HSD17B4: variants seen among roughly 807,000 people sequenced by gnomAD.
HSD17B4 encodes hydroxysteroid 17-beta dehydrogenase 4, also known as peroxisomal multifunctional enzyme type 2.
A neutral mutation model predicts 101.0 loss-of-function variants in HSD17B4; 70 were observed. The ratio of observed to expected loss-of-function variants is 0.69; its 90% CI spans 0.57 to 0.85. HSD17B4 has a LOEUF of 0.85. Ranked by LOEUF, HSD17B4 falls within the 40% of genes least tolerant of loss-of-function variation. The pLI is 0.00. For synonymous variants in HSD17B4, 347 were observed against 297.1 expected (o/e 1.17, Z -1.73); for missense variants, 984 against 892.4 (o/e 1.10, Z -1.31).
chr5:119,510,498 A>G (rs1052743384), intron 16 of HSD17B4, among the ~76,000 whole-genome samples: 2 of 152,208 alleles, frequency 1.3e-5, no homozygotes, highest in Admixed American at 6.5e-5. Flanking sequence ...TGTAGTAAAT[A>G]AAGTATTATT....
chr5:119,452,894 G>T, intron 1 of HSD17B4: 1 of 1,520,500 alleles, frequency 6.6e-7, no homozygotes, highest in Non-Finnish European at 8.8e-7. Flanking sequence ...GGCCAGGCTG[G>T]GCTGCTGATT....
At chr5:119,474,338 G>C in intron 3 of HSD17B4, 63 bp from the exon 4 acceptor site, 2 of 985,418 alleles carry the variant, frequency 2.0e-6, no homozygotes, top group South Asian at 1.3e-5. Context: ...CTGACCCACA[G>C]AATTTAGAAG....
At chr5:119,509,118 T>A in intron 15 of HSD17B4, 23 bp from the exon 16 acceptor site, 1 of 1,301,224 alleles carries the variant, frequency 7.7e-7, no homozygotes, top group Non-Finnish European at 1.1e-6. Context: ...CTTCTTTTAT[T>A]TTTTCTTTTA....
intron 18 of HSD17B4, 92 bp from the exon 19 acceptor site, chr5:119,525,825 C>G (rs1367536828): frequency 1.3e-6 from 1 of 782,684 alleles, no homozygotes; most frequent in Admixed American, 1.7e-5. Flanking sequence ...CTAATGCAGT[C>G]TAAGGACATT....
At chr5:119,488,275 A>C (rs1749787094) in intron 8 of HSD17B4, among the ~76,000 whole-genome samples, 1 of 152,078 alleles carries the variant, frequency 6.6e-6, no homozygotes, top group Non-Finnish European at 1.5e-5. Flanking sequence ...CAGGTTCAGT[A>C]CCAAAATCAA....
At position 119,499,557 on chromosome 5, in the gene HSD17B4, T is replaced by C; in HGVS notation, c.1209+4T>C. 1 of 1,559,146 alleles carries C rather than the reference T, an allele frequency of 6.4e-7. No individual in the cohort carries two copies. The highest frequency in any genetic ancestry group is 1.7e-5 in the Admixed American group (1 of 59,936). ...ACTTTCAATCAACTTTGCAAAGGTA[T>C]GCCTAATAAAAAACCTTTATTTTGC... On this transcript the variant is annotated splice_donor_region_variant and intron_variant, in intron 13 of 23. Transcript: ENST00000510025.
chr5:119,494,432 CT>C (rs1378322808), intron 11 of HSD17B4, among the ~76,000 whole-genome samples: 1 of 140,816 alleles, frequency 7.1e-6, no homozygotes, highest in African/African-American at 2.7e-5. Flanking sequence ...AGGCTTAGCT[CT>C]TTTCTGTTTA....
intron 4 of HSD17B4, among the ~76,000 whole-genome samples, chr5:119,475,332 A>G (rs1243064097): frequency 6.6e-6 from 1 of 152,148 alleles, no homozygotes; most frequent in Non-Finnish European, 1.5e-5. Context: ...GTGGCAAGGG[A>G]AAAATGTAAC....
intron 12 of HSD17B4, among the ~76,000 whole-genome samples, chr5:119,498,064 C>G (rs939849948): frequency 6.6e-6 from 1 of 152,094 alleles, no homozygotes. Context: ...TGTGATAGCT[C>G]ATGTGAAATT....
intron 2 of HSD17B4, among the ~76,000 whole-genome samples, chr5:119,469,107 CAT>C (rs1449933041): frequency 6.6e-6 from 1 of 151,332 alleles, no homozygotes; most frequent in Non-Finnish European, 1.5e-5. Flanking sequence ...TTGAATTTCT[CAT>C]TTAGATAATG....
At chr5:119,488,111 G>C (rs61460721) in intron 8 of HSD17B4, among the ~76,000 whole-genome samples, 3,661 of 152,150 alleles carry the variant, frequency 0.024, 125 homozygotes, top group African/African-American at 0.075. Context: ...AGATAAAATT[G>C]TATGATTTGT....
chr5:119,461,367 T>C (rs1013519008), intron 2 of HSD17B4, among the ~76,000 whole-genome samples: 1 of 152,100 alleles, frequency 6.6e-6, no homozygotes, highest in Non-Finnish European at 1.5e-5. Context: ...CTCAAAAAAA[T>C]GTAGACTAAA....
intron 8 of HSD17B4, among the ~76,000 whole-genome samples, chr5:119,482,897 C>CTT (rs1245498336): frequency 6.9e-6 from 1 of 143,918 alleles, no homozygotes; most frequent in East Asian, 2.0e-4. Context: ...CTTTTTTAGC[C>CTT]TTTTTTTTTT....
intron 1 of HSD17B4, chr5:119,452,896 C>G: frequency 1.3e-6 from 2 of 1,509,310 alleles, no homozygotes; most frequent in Non-Finnish European, 1.8e-6. Flanking sequence ...CCAGGCTGGG[C>G]TGCTGATTGC....
intron 6 of HSD17B4, chr5:119,476,474 A>G: frequency 1.4e-6 from 1 of 722,108 alleles, no homozygotes; most frequent in Non-Finnish European, 1.7e-6. Context: ...GTGGTGGCTG[A>G]GACAGAGGGA....
intron 16 of HSD17B4, among the ~76,000 whole-genome samples, chr5:119,510,467 A>G (rs1007120123): frequency 1.3e-5 from 2 of 152,230 alleles, no homozygotes; most frequent in Admixed American, 6.5e-5. Flanking sequence ...TAATAAGATT[A>G]TACTGTAGTC....
chr5:119,461,617 C>T (rs1204833431), intron 2 of HSD17B4, among the ~76,000 whole-genome samples: 3 of 151,826 alleles, frequency 2.0e-5, no homozygotes, highest in Non-Finnish European at 2.9e-5. Flanking sequence ...TGCAGTGGCT[C>T]ACGCCTGTAA....
At chr5:119,494,325 T>TTTTCTTTCTTTCCTTCTTTCTTTC (rs1554064683) in intron 11 of HSD17B4, among the ~76,000 whole-genome samples, 3 of 111,524 alleles carry the variant, frequency 2.7e-5, no homozygotes, top group Non-Finnish European at 5.6e-5. Flanking sequence ...TCTTTCTTTC[T>TTTTCTTTCTTTCCTTCTTTCTTTC]TTTCTTTCTT....
rs139925756 is a variant in HSD17B4, at chr5:119,503,718, C to T, written c.1261+1626C>T. On this transcript the variant is annotated intron_variant, in intron 14 of 23. Coordinates refer to ENST00000510025, the MANE Select transcript of HSD17B4 (RefSeq NM_000414.4). ...ATAACCACTAGAAGGAGTGAAGGAA[C>T]GCAGCAGTACTTTCTTTTCTGTCTG... Among the ~76,000 whole-genome samples the T allele has an allele frequency of 1.9e-4, 29 of 150,902 alleles. No homozygotes were observed. In the East Asian group the frequency reaches 4.1e-3, roughly 21 times the overall value.
Sources: allele counts gnomAD v4.1 joint callset (sites outside exome capture counted in the v4.1 genomes callset), GRCh38; gene constraint gnomAD v4.1.1; transcripts MANE v1.5; gene names NCBI Gene and HGNC (gene_info 2026-07-23, HGNC 2026-07-21).